SMC4: variants seen among roughly 807,000 people sequenced by gnomAD.
SMC4 encodes the protein structural maintenance of chromosomes protein 4.
In SMC4, 87 loss-of-function variants were observed where a neutral mutation model predicts 145.6. That is an observed-to-expected ratio of 0.60 (90% CI 0.50 to 0.71). SMC4 has a LOEUF of 0.71. Ranked by LOEUF, SMC4 falls within the 30% of genes least tolerant of loss-of-function variation. SMC4 has a pLI of 0.00. For synonymous variants in SMC4, 558 were observed against 500.7 expected, an observed-to-expected ratio of 1.11 and a Z score of -1.53; for missense variants, 1,447 against 1,537.1, an observed-to-expected ratio of 0.94 and a Z score of 0.98.
At chr3:160,413,409 T>C in intron 7 of SMC4, 64 bp from the exon 8 acceptor site, 2 of 1,462,532 alleles carry the variant, frequency 1.4e-6, no homozygotes, top group East Asian at 2.4e-5. Context: ...CTAAAATTGT[T>C]ATACAGTTTT....
intron 13 of SMC4, among the ~76,000 whole-genome samples, chr3:160,423,138 A>T (rs187799321): frequency 1.8e-4 from 28 of 152,174 alleles, no homozygotes; most frequent in Non-Finnish European, 1.5e-5. Context: ...TTTAAGATCC[A>T]GATGGTCAAT....
rs1718716585 is a variant in SMC4 at position 160,433,987 on chromosome 3, A to G, written c.*178A>G. The G allele has an allele frequency of 6.5e-6, 3 of 458,270 alleles. No individual in the cohort carries two copies. In the Admixed American group the frequency reaches 1.4e-4, roughly 21 times the overall value. 28.4% of individuals were successfully genotyped at this position (458,270 alleles called of 1,614,324 possible). On this transcript the variant is annotated 3_prime_UTR_variant, in exon 24 of 24. Coordinates refer to ENST00000357388, the MANE Select transcript of SMC4 (RefSeq NM_001002800.3). ...AAATATTCTCTATAATTGCTTCTAG[A>G]TTACAAAAATATGACAATCTTGTAA... is the stretch of plus-strand genomic sequence containing the variant.
Position 160,402,756 on chromosome 3 carries a change from A to G in SMC4, c.399A>G (p.Arg133=), listed in dbSNP as rs768915237. ...CTATGCTTTTTGTGTTTGGCTATCG[A>G]GCACAAAAAATAAGATCTAAAAAAC... is the stretch of plus-strand genomic sequence containing the variant. ...IDSMLFVFGY[R]AQKIRSKKLS... is the part of the protein sequence containing the mutation. Residue 133 remains arginine (R), a synonymous_variant, in exon 4 of 24, where the codon CGA becomes CGG. Transcript: ENST00000357388. 3.7e-6 allele frequency: 6 copies of G among 1,612,648 alleles called. No individual in the cohort carries two copies. In the Admixed American group the frequency reaches 6.7e-5, roughly 18 times the overall value.
intron 12 of SMC4, among the ~76,000 whole-genome samples, chr3:160,419,749 C>G (rs917832049): frequency 6.6e-6 from 1 of 151,950 alleles, no homozygotes; most frequent in Non-Finnish European, 1.5e-5. Context: ...TTATTTCATA[C>G]ATATCAAGAA....
At chr3:160,417,344 T>A (rs890650220) in intron 10 of SMC4, among the ~76,000 whole-genome samples, 1 of 152,200 alleles carries the variant, frequency 6.6e-6, no homozygotes, top group African/African-American at 2.4e-5. Flanking sequence ...AAAGTGTCAA[T>A]GGATAATGCA....
rs1718741503 is a variant in SMC4 at position 160,434,239 on chromosome 3, T to C, written c.*430T>C. 6.5e-6 allele frequency: 1 copy of C among 154,232 alleles called. No homozygotes were observed. Among genetic ancestry groups the C allele is most frequent in the East Asian group, 1.9e-4 (1 of 5,222 alleles). 9.6% of individuals were successfully genotyped at this position (154,232 alleles called of 1,614,324 possible). A position where few individuals can be genotyped will look rare whatever the true frequency, so the allele number is the denominator to read the frequency against. The stretch of plus-strand genomic sequence containing the variant: ...CCAGTTGAGACAATCACCACAGTTA[T>C]TACCCAAATACTATGAACATATTTT... On this transcript the variant is annotated 3_prime_UTR_variant, in exon 24 of 24. Transcript: ENST00000357388.
At chr3:160,427,929 A>C (rs887227196) in intron 17 of SMC4, among the ~76,000 whole-genome samples, 2 of 152,070 alleles carry the variant, frequency 1.3e-5, no homozygotes, top group Non-Finnish European at 2.9e-5. Flanking sequence ...TCTTTGAAAA[A>C]TACACACGCA....
intron 12 of SMC4, 58 bp downstream of exon 12, chr3:160,419,601 TA>T (rs1716955559): frequency 6.6e-6 from 10 of 1,506,548 alleles, no homozygotes; most frequent in Non-Finnish European, 9.0e-6. Context: ...AAGTGTAACT[TA>T]TTTTTTTGCC....
intron 11 of SMC4, 50 bp downstream of exon 11, chr3:160,418,006 C>T (rs774582100): frequency 6.8e-7 from 1 of 1,463,414 alleles, no homozygotes; most frequent in East Asian, 2.4e-5. Flanking sequence ...TCCACTTCAG[C>T]TTTATACATT....
Position 160,412,310 on chromosome 3 carries a change from CTT to C in SMC4, c.853-13_853-12del, listed in dbSNP as rs769419994. 3 of 1,580,228 alleles carry C rather than the reference CTT, an allele frequency of 1.9e-6. No homozygotes were observed. Among genetic ancestry groups the C allele is most frequent in the African/African-American group, 1.4e-5 (1 of 73,506 alleles). ...ATGAAGTGTGTATTCAGTCTTTAAA[CTT>C]TTAATTTCTGTAGTTAAACAGGGTA... On this transcript the variant is annotated splice_polypyrimidine_tract_variant and intron_variant, in intron 6 of 23. Coordinates refer to ENST00000357388, the MANE Select transcript of SMC4 (RefSeq NM_001002800.3).
In SMC4 at chr3:160,412,072, C is replaced by A; in HGVS notation, c.840C>A (p.His280Gln). 6.2e-7 allele frequency: 1 copy of A among 1,612,776 alleles called. No individual in the cohort carries two copies. The highest frequency in any genetic ancestry group is 8.5e-7 in the Non-Finnish European group (1 of 1,179,482). The change falls in exon 6 of 24, where the codon CAC becomes CAA. Residue 280 changes from histidine (H) to glutamine (Q), a missense_variant. Coordinates refer to ENST00000357388, the MANE Select transcript of SMC4 (RefSeq NM_001002800.3). ...LCRRVEILNE[H>Q]RGEKLNRVKM... ...GGAGAGTTGAAATATTAAATGAACA[C>A]AGAGGAGAGAAGGTGAATCATCTGT... is the stretch of plus-strand genomic sequence containing the variant.
At chr3:160,406,846 A>G (rs1176229777) in intron 5 of SMC4, among the ~76,000 whole-genome samples, 1 of 152,218 alleles carries the variant, frequency 6.6e-6, no homozygotes, top group Non-Finnish European at 1.5e-5. Flanking sequence ...CTATGCTAAA[A>G]TGCTGTAAGT....
At chr3:160,412,862 GTATT>G in intron 7 of SMC4, 1 of 965,110 alleles carries the variant, frequency 1.0e-6, no homozygotes, top group Non-Finnish European at 1.2e-6. Flanking sequence ...AGGTTCACAG[GTATT>G]TATTACTGTA....
At chr3:160,413,034 G>A (rs979619672) in intron 7 of SMC4, among the ~76,000 whole-genome samples, 3 of 152,080 alleles carry the variant, frequency 2.0e-5, no homozygotes, top group Non-Finnish European at 4.4e-5. Flanking sequence ...TCCGGACTCA[G>A]TTGATCCTCC....
Position 160,431,183 on chromosome 3 carries a change from A to C in SMC4, c.3092A>C (p.Lys1031Thr). The change falls in exon 20 of 24, where the codon AAA (lysine) becomes ACA (threonine). Residue 1031 changes from lysine (K) to threonine (T), a missense_variant. Lys to Thr is a moderately conservative substitution (Grantham distance 78, BLOSUM62 -1). Coordinates refer to ENST00000357388, the MANE Select transcript of SMC4 (RefSeq NM_001002800.3). ...IDGHIAEHNSKIKYWHKEISK... is the reference protein window; with the variant it reads ...IDGHIAEHNSTIKYWHKEISK... ...GGTCACATTGCTGAACATAATTCTAAAATAAAATATTGGCACAAAGAGGTG... is the reference window on the plus strand; with the variant it reads ...GGTCACATTGCTGAACATAATTCTACAATAAAATATTGGCACAAAGAGGTG... 2 of 1,580,526 alleles carry C rather than the reference A, an allele frequency of 1.3e-6. No homozygotes were observed. Among genetic ancestry groups the C allele is most frequent in the Non-Finnish European group, 8.6e-7 (1 of 1,169,096 alleles).
chr3:160,413,773 T>G, intron 8 of SMC4, 160 bp downstream of exon 8: 1 of 460,868 alleles, frequency 2.2e-6, no homozygotes, highest in Non-Finnish European at 3.8e-6. Flanking sequence ...TTGCATCCAG[T>G]TCCTTGTTAC....
At chr3:160,399,854 C>T (rs1409229062) in intron 1 of SMC4, 105 bp downstream of exon 1, 1 of 152,264 alleles carries the variant, frequency 6.6e-6, no homozygotes, top group African/African-American at 2.4e-5. Flanking sequence ...GAAGTCCGGG[C>T]TTGAAGCTGC....
chr3:160,401,778 C>T lies in SMC4; in HGVS notation c.140-137C>T. On this transcript the variant is annotated intron_variant, in intron 2 of 23. Coordinates refer to ENST00000357388, the MANE Select transcript of SMC4 (RefSeq NM_001002800.3). ...AACATATTTAAGTGGAAAATATAGA[C>T]TCCTAAGTTTCATAAATAACATCCC... 6.1e-6 allele frequency: 4 copies of T among 654,682 alleles called. No individual in the cohort carries two copies. In the South Asian group the frequency reaches 8.4e-5, roughly 14 times the overall value. 40.6% of individuals were successfully genotyped at this position (654,682 alleles called of 1,614,324 possible).
chr3:160,409,169 G>A (rs1403713533), intron 5 of SMC4, among the ~76,000 whole-genome samples: 3 of 150,518 alleles, frequency 2.0e-5, no homozygotes, highest in African/African-American at 7.3e-5. Flanking sequence ...AGGAGGCTGA[G>A]GCAGGAGAAT....
Sources: allele counts gnomAD v4.1 joint callset (sites outside exome capture counted in the v4.1 genomes callset), GRCh38; gene constraint gnomAD v4.1.1; transcripts MANE v1.5; gene names NCBI Gene and HGNC (gene_info 2026-07-23, HGNC 2026-07-21).